RRN3: variants seen among roughly 807,000 people sequenced by gnomAD.
RRN3 encodes the protein RNA polymerase I transcription factor RRN3.
A neutral mutation model predicts 82.3 loss-of-function variants in RRN3; 38 were observed. That is an observed-to-expected ratio of 0.46 (90% CI 0.36 to 0.61). The LOEUF is 0.61. Ranked by LOEUF, RRN3 falls within the 20% of genes least tolerant of loss-of-function variation. The probability of loss-of-function intolerance (pLI) is 0.00; values close to 1 mark genes in which losing one functional copy is unlikely to be tolerated. For synonymous variants in RRN3, 284 were observed against 284.3 expected, an observed-to-expected ratio of 1.00 and a Z score of 0.01; for missense variants, 726 against 793.1, an observed-to-expected ratio of 0.92 and a Z score of 1.02.
At chr16:15,077,105 G>A (rs897724991) in intron 9 of RRN3, among the ~76,000 whole-genome samples, 2 of 151,432 alleles carry the variant, frequency 1.3e-5, no homozygotes, top group Non-Finnish European at 2.9e-5. Context: ...TCAGCCTCCC[G>A]AGTAGCTGGG....
At chr16:15,072,588 T>C (rs2941257) in intron 12 of RRN3, among the ~76,000 whole-genome samples, 97,786 of 151,704 alleles carry the variant, frequency 0.64, 33,214 homozygotes, top group Non-Finnish European at 0.74. Flanking sequence ...AGATCACTTG[T>C]GGTCAGGAGT....
At chr16:15,088,230 T>C (rs941922469) in intron 3 of RRN3, among the ~76,000 whole-genome samples, 2 of 152,134 alleles carry the variant, frequency 1.3e-5, no homozygotes, top group African/African-American at 2.4e-5. Flanking sequence ...CCCAGCACTT[T>C]TGGGAGGCCA....
intron 9 of RRN3, among the ~76,000 whole-genome samples, chr16:15,078,399 T>C (rs942040151): frequency 3.9e-5 from 6 of 152,080 alleles, no homozygotes; most frequent in Admixed American, 1.3e-4. Flanking sequence ...CACCAAGGTC[T>C]CTAACAGCCC....
intron 8 of RRN3, among the ~76,000 whole-genome samples, 165 bp from the exon 9 acceptor site, chr16:15,080,261 C>T (rs1053052510): frequency 2.6e-5 from 4 of 152,226 alleles, no homozygotes; most frequent in Admixed American, 1.3e-4. Flanking sequence ...GTATTATGTT[C>T]GGTATAATCA....
Position 15,074,731 on chromosome 16 carries a change from T to A in RRN3, c.989A>T (p.Tyr330Phe). 2 of 1,613,572 alleles carry A rather than the reference T, an allele frequency of 1.2e-6. No individual in the cohort carries two copies. Among genetic ancestry groups the A allele is most frequent in the Non-Finnish European group, 1.7e-6 (2 of 1,179,766 alleles). The change falls in exon 11 of 18, where the codon TAT becomes TTT. Residue 330 changes from tyrosine to phenylalanine, a missense_variant. Physicochemically the swap from Tyr to Phe is conservative, Grantham distance 22. Around this residue, in one of 4 missense-constraint regions of RRN3, gnomAD observed 344 missense variants for 394.5 expected, o/e 0.87. Transcript: ENST00000198767. ...TAGCTACTGTGATTTACCATCTACA[T>A]AGCAGACATCCTTCATGTAGGACAA... ...LVLSYMKDVC[Y>F]VDGKVDNGKT...
chr16:15,093,299 C>G (rs1470777997), intron 1 of RRN3, among the ~76,000 whole-genome samples: 2 of 152,152 alleles, frequency 1.3e-5, no homozygotes, highest in African/African-American at 4.8e-5. Flanking sequence ...CAACCGCGCC[C>G]GGCCTAGATT....
intron 12 of RRN3, among the ~76,000 whole-genome samples, chr16:15,071,792 C>CA (rs1597907509): frequency 6.6e-6 from 1 of 151,964 alleles, no homozygotes; most frequent in African/African-American, 2.4e-5. Context: ...CAAAAAACAA[C>CA]AAAAAATTCA....
At position 15,061,673 on chromosome 16, in the gene RRN3, A is replaced by G. The variant is rs2044715535; in HGVS notation, c.*71T>C. 2.0e-6 allele frequency: 3 copies of G among 1,466,798 alleles called. No homozygotes were observed. Among genetic ancestry groups the G allele is most frequent in the Non-Finnish European group, 2.8e-6 (3 of 1,064,684 alleles). The allele number at this position is 1,466,798 out of a possible 1,614,324, so 90.9% of individuals were successfully genotyped here. On this transcript the variant is annotated 3_prime_UTR_variant, in exon 18 of 18. Coordinates refer to ENST00000198767, the MANE Select transcript of RRN3 (RefSeq NM_018427.5). The stretch of plus-strand genomic sequence containing the variant: ...AATGCCATCAATGCCCAATGGCACA[A>G]GCTGGGTGCTGAGGGCATGACAAGT...
chr16:15,067,683 AAGT>A (rs1288819374), intron 15 of RRN3, among the ~76,000 whole-genome samples: 1 of 151,768 alleles, frequency 6.6e-6, no homozygotes, highest in Admixed American at 6.6e-5. Flanking sequence ...TTTGGATAAG[AAGT>A]AGTAGTAATT....
At chr16:15,090,451 G>C (rs1437092792) in intron 3 of RRN3, among the ~76,000 whole-genome samples, 1 of 152,148 alleles carries the variant, frequency 6.6e-6, no homozygotes, top group Non-Finnish European at 1.5e-5. Flanking sequence ...TTTAAAGCCA[G>C]GCACTTTAAA....
rs781768892 is a variant in RRN3 at position 15,065,284 on chromosome 16, G to C, written c.1641C>G (p.Asp547Glu). 8.7e-6 allele frequency: 14 copies of C among 1,613,778 alleles called. No homozygotes were observed. The Admixed American group carries it at 2.0e-4, about 23-fold the overall frequency. Reference protein sequence around the residue: ...LPVIRSTAGGDSVQICTNPLD... With the variant: ...LPVIRSTAGGESVQICTNPLD... ...GCGGGTTTGTGCAGATCTGCACTGA[G>C]TCTCCTCCAGCGGTACTCCTAATGA... The change falls in exon 16 of 18, where the codon GAC becomes GAG. Residue 547 changes from aspartate (D) to glutamate (E), a missense_variant. Asp to Glu is a conservative substitution (Grantham distance 45, BLOSUM62 2). Transcript: ENST00000198767.
rs540742344 is a variant in RRN3, at chr16:15,082,529, G to A, written c.666+984C>T. On this transcript the variant is annotated intron_variant, in intron 8 of 17. Transcript: ENST00000198767. ...CTCTACCAAAAACACAAAAATTAGC[G>A]GGGTGTGGTGCCCCATGTCTATAGT... Among the ~76,000 whole-genome samples, 85 of 151,912 alleles carry A rather than the reference G, an allele frequency of 5.6e-4. 1 individual carries two copies. In the South Asian group the frequency reaches 0.01, roughly 19 times the overall value.
intron 13 of RRN3, 67 bp downstream of exon 13, chr16:15,071,054 T>C: frequency 1.4e-6 from 2 of 1,403,356 alleles, no homozygotes; most frequent in East Asian, 2.3e-5. Context: ...TATTTCTGAC[T>C]TGAGACAATG....
At chr16:15,063,082 G>A (rs1361784648) in intron 17 of RRN3, 114 bp downstream of exon 17, 1 of 811,784 alleles carries the variant, frequency 1.2e-6, no homozygotes, top group African/African-American at 1.7e-5. Context: ...CTCTGGCCTT[G>A]ACCCCCTAAA....
At chr16:15,068,859 A>AT (rs1278199658) in intron 14 of RRN3, among the ~76,000 whole-genome samples, 1 of 152,228 alleles carries the variant, frequency 6.6e-6, no homozygotes, top group Non-Finnish European at 1.5e-5. Context: ...CATCACATTT[A>AT]TTTTAAGAGG....
At position 15,073,071 on chromosome 16, in the gene RRN3, T is replaced by A. The variant is rs1163766071; in HGVS notation, c.1007A>T (p.Asp336Val). ...ATATAGATCCTTTGTTTTGCCGTTA[T>A]CAACCTTACCTATGGAGAAAATCTG... ...KDVCYVDGKV[D>V]NGKTKDLYRD... Residue 336 changes from aspartate to valine, a missense_variant, in exon 12 of 18, where the codon GAT becomes GTT. Asp to Val is a radical substitution (Grantham distance 152). Coordinates refer to ENST00000198767, the MANE Select transcript of RRN3 (RefSeq NM_018427.5). 6.2e-7 allele frequency: 1 copy of A among 1,610,696 alleles called. No homozygotes were observed. Among genetic ancestry groups the A allele is most frequent in the East Asian group, 2.2e-5 (1 of 44,870 alleles).
intron 3 of RRN3, among the ~76,000 whole-genome samples, chr16:15,091,062 T>C (rs1567228173): frequency 6.6e-6 from 1 of 152,162 alleles, no homozygotes; most frequent in Non-Finnish European, 1.5e-5. Context: ...GTGAGATGTT[T>C]AGCAGCATCT....
At chr16:15,069,246 G>A (rs1029559706) in intron 14 of RRN3, among the ~76,000 whole-genome samples, 8 of 152,094 alleles carry the variant, frequency 5.3e-5, no homozygotes, top group African/African-American at 4.8e-5. Context: ...ACTGCTGTTG[G>A]CAGCTAGTAG....
rs751183013 is a variant in RRN3 at position 15,074,775 on chromosome 16, G to A, written c.945C>T (p.Asp315=). 1.9e-6 allele frequency: 3 copies of A among 1,614,100 alleles called. No individual in the cohort carries two copies. The highest frequency in any genetic ancestry group is 2.5e-6 in the Non-Finnish European group (3 of 1,180,018). The change falls in exon 11 of 18, where the codon GAC becomes GAT. Residue 315 remains aspartate, a synonymous_variant. Coordinates refer to ENST00000198767, the MANE Select transcript of RRN3 (RefSeq NM_018427.5). The part of the protein sequence containing the change: ...QMVHPVAERL[D]ILMSLVLSYM... ...AGGACAAAACCAAAGACATCAGGAT[G>A]TCCAGGCGCTCGGCTACAGGATGCA...
Sources: gnomAD v4.1 joint callset for allele counts (sites outside exome capture counted in the v4.1 genomes callset) on GRCh38, gnomAD v4.1.1 for gene constraint, gnomAD v4.1.1 regional missense constraint, MANE v1.5 for transcripts, NCBI Gene and HGNC (gene_info 2026-07-23, HGNC 2026-07-21) for gene names.